SPHKAP: variants seen among roughly 807,000 people sequenced by gnomAD.
The protein encoded by SPHKAP is A-kinase anchor protein SPHKAP.
SPHKAP carries 67 observed loss-of-function variants against 137.5 expected under a neutral mutation model. The ratio of observed to expected loss-of-function variants is 0.49; its 90% CI spans 0.40 to 0.60. The LOEUF (loss-of-function observed/expected upper bound fraction) is 0.60, where lower values mean the gene tolerates loss of function less well. SPHKAP is among the 20% of genes least tolerant of loss of function. The pLI is 0.00. For synonymous variants in SPHKAP, 813 were observed against 785.3 expected (o/e 1.04, Z -0.59); for missense variants, 2,097 against 2,069.3 (o/e 1.01, Z -0.26).
chr2:228,068,986 T>A (rs1696917980), intron 3 of SPHKAP, among the ~76,000 whole-genome samples: 1 of 152,178 alleles, frequency 6.6e-6, no homozygotes, highest in African/African-American at 2.4e-5. Flanking sequence ...AAGAGGCAGT[T>A]GGGCTGGGGT....
chr2:228,079,155 C>T (rs532282595), intron 3 of SPHKAP, among the ~76,000 whole-genome samples: 28 of 152,268 alleles, frequency 1.8e-4, no homozygotes, highest in African/African-American at 6.7e-4. Flanking sequence ...ACTGTTCCAC[C>T]TCAAATCATC....
chr2:228,163,004 C>T (rs1349555189), intron 1 of SPHKAP, among the ~76,000 whole-genome samples: 4 of 152,150 alleles, frequency 2.6e-5, no homozygotes, highest in African/African-American at 9.7e-5. Flanking sequence ...GGCCACAAAG[C>T]CCTTCTTAAA....
intron 3 of SPHKAP, among the ~76,000 whole-genome samples, chr2:228,068,614 T>C (rs946104864): frequency 1.1e-4 from 17 of 152,204 alleles, no homozygotes; most frequent in Admixed American, 2.6e-4. Flanking sequence ...CTTTAATAAA[T>C]GGTGCTGAGA....
rs1391532687 is a variant in SPHKAP at position 228,098,776 on chromosome 2, A to C, written c.246+10056T>G. On this transcript the variant is annotated intron_variant, in intron 3 of 11. Coordinates refer to ENST00000392056, the MANE Select transcript of SPHKAP (RefSeq NM_001142644.2). ...TTAAAGTATAAAAAAAAAAAAAAAA[A>C]AGTGTCTGTTCATGGCCTTTGCCCA... Among the ~76,000 whole-genome samples, 16 of 149,280 alleles carry C rather than the reference A, an allele frequency of 1.1e-4. No homozygotes were observed. In the East Asian group the frequency reaches 1.6e-3, roughly 15 times the overall value.
intron 4 of SPHKAP, chr2:228,025,974 G>T: frequency 3.8e-6 from 2 of 521,700 alleles, no homozygotes; most frequent in Non-Finnish European, 4.9e-6. Context: ...GAGGGACCTG[G>T]TGGGAGATGA....
At chr2:228,123,970 GAC>G (rs540323204) in intron 2 of SPHKAP, among the ~76,000 whole-genome samples, 18 of 152,138 alleles carry the variant, frequency 1.2e-4, no homozygotes, top group African/African-American at 3.9e-4. Context: ...GCAGCCAAAA[GAC>G]ACATGAAAAA....
intron 1 of SPHKAP, among the ~76,000 whole-genome samples, chr2:228,157,685 G>C (rs1177193901): frequency 6.6e-6 from 1 of 152,106 alleles, no homozygotes; most frequent in Non-Finnish European, 1.5e-5. Flanking sequence ...GGTAAAGGAG[G>C]TGTCATTTTG....
rs961272373 is a variant in SPHKAP, at chr2:228,045,772, T to A, written c.247-18229A>T. 8.0e-5 allele frequency among the ~76,000 whole-genome samples: 12 copies of A among 150,916 alleles called. No individual in the cohort carries two copies. The East Asian group carries it at 2.3e-3, about 29-fold the overall frequency. On this transcript the variant is annotated intron_variant, in intron 3 of 11. Transcript: ENST00000392056. ...ATAATAATAAAAAAAAGAAAAAAAATAGAATCTGGAGGACATTATGCTAGA... is the reference window on the plus strand; with the variant it reads ...ATAATAATAAAAAAAAGAAAAAAAAAAGAATCTGGAGGACATTATGCTAGA...
chr2:228,028,433 CA>C (rs1262850680), intron 3 of SPHKAP, among the ~76,000 whole-genome samples: 2 of 152,068 alleles, frequency 1.3e-5, no homozygotes, highest in Non-Finnish European at 2.9e-5. Context: ...AAACAATAGC[CA>C]TAATATTAAA....
rs556671406 is a variant in SPHKAP, at chr2:227,987,467, GGT to G, written c.4959+3531_4959+3532del. On this transcript the variant is annotated intron_variant, in intron 11 of 11. Coordinates refer to ENST00000392056, the MANE Select transcript of SPHKAP (RefSeq NM_001142644.2). ...TGTCTCTTGCTCACTGTATCTCCAGGGTGTATAACAGTGCCTGGCATTTGTAG... is the reference window on the plus strand; with the variant it reads ...TGTCTCTTGCTCACTGTATCTCCAGGGTATAACAGTGCCTGGCATTTGTAG... 9.2e-3 allele frequency among the ~76,000 whole-genome samples: 1,396 copies of G among 152,184 alleles called. 26 individuals carry two copies. Among genetic ancestry groups the G allele is most frequent in the African/African-American group, 0.032 (1,328 of 41,512 alleles).
In SPHKAP at chr2:228,001,495, A is replaced by ATTTTT. The variant is rs1693889180; in HGVS notation, c.4449-5802_4449-5801insAAAAA. ...TATAAAAATATATATACGTATATATAAGTATATATACGTATATATAAGAAT... is the reference window on the plus strand; with the variant it reads ...TATAAAAATATATATACGTATATATATTTTTAGTATATATACGTATATATAAGAAT... On this transcript the variant is annotated intron_variant, in intron 7 of 11. Coordinates refer to ENST00000392056, the MANE Select transcript of SPHKAP (RefSeq NM_001142644.2). 2.8e-5 allele frequency among the ~76,000 whole-genome samples: 4 copies of ATTTTT among 144,492 alleles called. No individual in the cohort carries two copies. The Admixed American group carries it at 2.8e-4, about 10-fold the overall frequency. 94.8% of individuals were successfully genotyped at this position (144,492 alleles called of 152,430 possible).
intron 1 of SPHKAP, among the ~76,000 whole-genome samples, chr2:228,177,675 T>G (rs547928920): frequency 6.6e-6 from 1 of 152,136 alleles, no homozygotes. Context: ...TTTTAAAAAA[T>G]CAATTTTATT....
intron 1 of SPHKAP, among the ~76,000 whole-genome samples, chr2:228,135,950 G>A (rs1699428534): frequency 6.6e-6 from 1 of 152,170 alleles, no homozygotes; most frequent in Non-Finnish European, 1.5e-5. Flanking sequence ...TAATATGAGT[G>A]TGCATTTCCA....
chr2:228,117,979 C>G (rs536242844), intron 2 of SPHKAP, among the ~76,000 whole-genome samples: 1 of 151,902 alleles, frequency 6.6e-6, no homozygotes, highest in Admixed American at 6.6e-5. Context: ...AATATTTTAG[C>G]TTTATTCTAA....
In SPHKAP at chr2:228,017,144, G is replaced by A. The variant is rs1356113538; in HGVS notation, c.3710C>T (p.Ser1237Leu). The A allele has an allele frequency of 3.7e-6, 6 of 1,614,006 alleles. No individual in the cohort carries two copies. The highest frequency in any genetic ancestry group is 1.7e-5 in the Admixed American group (1 of 60,018). Reference sequence around the variant, plus strand: ...TGGGGATCTGCTGTCTGGCATGGACGACTGTCTGTGGCACACTGGGGATCG... The same window carrying A: ...TGGGGATCTGCTGTCTGGCATGGACAACTGTCTGTGGCACACTGGGGATCG... ...SLRSPVCHRQ[S>L]SMPDSRSPCS... The change falls in exon 7 of 12, where the codon TCG (serine) becomes TTG (leucine). Residue 1237 changes from serine to leucine, a missense_variant. By Grantham distance (145) the Ser-to-Leu change is moderately radical. Coordinates refer to ENST00000392056, the MANE Select transcript of SPHKAP (RefSeq NM_001142644.2).
rs376762138 is a variant in SPHKAP at position 228,004,636 on chromosome 2, T to C, written c.4449-8942A>G. ...TTTGCTCTTGCTTCTCTAGTTCTTT[T>C]AATTGTGATGTTAGGGTGTCAATTT... On this transcript the variant is annotated intron_variant, in intron 7 of 11. Coordinates refer to ENST00000392056, the MANE Select transcript of SPHKAP (RefSeq NM_001142644.2). Among the ~76,000 whole-genome samples the C allele has an allele frequency of 9.8e-5, 15 of 152,334 alleles. No individual in the cohort carries two copies. The East Asian group carries it at 1.5e-3, about 16-fold the overall frequency.
Position 228,016,386 on chromosome 2 carries a change from G to A in SPHKAP, c.4448+20C>T, listed in dbSNP as rs369419784. The A allele has an allele frequency of 1.6e-4, 251 of 1,559,176 alleles. No individual in the cohort carries two copies. Among genetic ancestry groups the A allele is most frequent in the Non-Finnish European group, 1.9e-4 (222 of 1,158,238 alleles). ...ACTCCAGTCACATGCACCCTATGTA[G>A]TCTGAGACGATTCACTCACCTATGG... On this transcript the variant is annotated intron_variant, in intron 7 of 11. Coordinates refer to ENST00000392056, the MANE Select transcript of SPHKAP (RefSeq NM_001142644.2).
intron 3 of SPHKAP, among the ~76,000 whole-genome samples, chr2:228,092,397 A>G (rs577071157): frequency 2.3e-5 from 2 of 85,150 alleles, no homozygotes; most frequent in South Asian, 7.8e-4. Flanking sequence ...ATACATATAT[A>G]CACATATACA....
At chr2:228,135,010 C>T (rs1029623026) in intron 1 of SPHKAP, among the ~76,000 whole-genome samples, 2 of 152,188 alleles carry the variant, frequency 1.3e-5, no homozygotes, top group African/African-American at 4.8e-5. Flanking sequence ...TGCAGTGGCT[C>T]ACGCCTGTAA....
Sources: gnomAD v4.1 joint callset for allele counts (sites outside exome capture counted in the v4.1 genomes callset) on GRCh38, gnomAD v4.1.1 for gene constraint, MANE v1.5 for transcripts, NCBI Gene and HGNC (gene_info 2026-07-23, HGNC 2026-07-21) for gene names.